The following LRP1 variants were observed in gnomAD, a reference collection of about 807,000 sequenced individuals.
LRP1 encodes the protein LDL receptor related protein 1, also known as prolow-density lipoprotein receptor-related protein 1.
LRP1 carries 51 observed loss-of-function variants against 541.5 expected under a neutral mutation model. The ratio of observed to expected loss-of-function variants is 0.09; its 90% CI spans 0.08 to 0.12. The LOEUF (loss-of-function observed/expected upper bound fraction) is 0.12, where lower values mean the gene tolerates loss of function less well. LRP1 is among the 10% of genes least tolerant of loss of function. The pLI is 1.00. For synonymous variants in LRP1, 2,219 were observed against 2,470.8 expected, an observed-to-expected ratio of 0.90 and a Z score of 3.02; for missense variants, 3,878 against 6,376.2, an observed-to-expected ratio of 0.61 and a Z score of 13.34.
chr12:57,181,430 C>A, intron 34 of LRP1, 139 bp downstream of exon 34: 1 of 1,093,812 alleles, frequency 9.1e-7, no homozygotes, highest in Non-Finnish European at 1.3e-6. Context: ...TATGAAGTGG[C>A]TATGACTCTC....
At chr12:57,134,293 C>T (rs1451193923) in intron 1 of LRP1, among the ~76,000 whole-genome samples, 1 of 152,182 alleles carries the variant, frequency 6.6e-6, no homozygotes, top group Non-Finnish European at 1.5e-5. Context: ...TGCCTGTCTT[C>T]CCCTTCTTCT....
chr12:57,193,476 G>A lies in LRP1; in HGVS notation c.7685-90G>A. 1.9e-6 allele frequency: 3 copies of A among 1,546,178 alleles called. No individual in the cohort carries two copies. In the South Asian group the frequency reaches 3.6e-5, roughly 19 times the overall value. On this transcript the variant is annotated intron_variant, in intron 46 of 88. Transcript: ENST00000243077. The stretch of plus-strand genomic sequence containing the variant: ...CTGGACTGGGCCTTTGGGTTTGGGG[G>A]TGGCCAGCTGGACACGTGCATGACG...
chr12:57,166,204 G>C lies in LRP1; in HGVS notation c.2792G>C (p.Cys931Ser). ...AGTGAAGATGAGTCCAATGCCACTT[G>C]TTCAGGTGTGGAGCGGGGCTCAGAT... ...GNSEDESNATCSARTCPPNQF... is the reference protein window; with the variant it reads ...GNSEDESNATSSARTCPPNQF... Residue 931 changes from cysteine to serine, a missense_variant, in exon 17 of 89, where the codon TGT becomes TCT. Physicochemically the swap from Cys to Ser is moderately radical, Grantham distance 112. Transcript: ENST00000243077. The C allele has an allele frequency of 6.2e-7, 1 of 1,608,046 alleles. No homozygotes were observed. Among genetic ancestry groups the C allele is most frequent in the Non-Finnish European group, 8.5e-7 (1 of 1,177,222 alleles).
In LRP1 at chr12:57,177,258, C is replaced by T. The variant is rs2036065248; in HGVS notation, c.4196+13C>T. 1 of 1,612,202 alleles carries T rather than the reference C, an allele frequency of 6.2e-7. No homozygotes were observed. The highest frequency in any genetic ancestry group is 1.7e-5 in the Admixed American group (1 of 59,952). On this transcript the variant is annotated intron_variant, in intron 25 of 88. Coordinates refer to ENST00000243077, the MANE Select transcript of LRP1 (RefSeq NM_002332.3). This position sits in a 1 kb window ranked among gnomAD's most constrained non-coding sequence, Gnocchi z 6.8. ...ATCCCCGGGATGGGTGAGGACCTTGCCCAGCCTTCTCCTGGCCCCATGGCC... is the reference window on the plus strand; with the variant it reads ...ATCCCCGGGATGGGTGAGGACCTTGTCCAGCCTTCTCCTGGCCCCATGGCC...
At chr12:57,209,222 A>T in intron 79 of LRP1, 23 bp downstream of exon 79, 3 of 1,588,936 alleles carry the variant, frequency 1.9e-6, no homozygotes, top group Non-Finnish European at 2.6e-6. Context: ...CATAAGTCGC[A>T]GTCCCCAGCC....
rs1385373533 is a variant in LRP1, at chr12:57,189,417, C to A, written c.7032-1388C>A. On this transcript the variant is annotated intron_variant, in intron 42 of 88. Coordinates refer to ENST00000243077, the MANE Select transcript of LRP1 (RefSeq NM_002332.3). The surrounding 1 kb of genome is among the most constrained non-coding windows in gnomAD (Gnocchi z 4.4). ...GACACGCCGCCTCCCTCCCAACTTA[C>A]ATCCCGATTCCAGAGCCACCGCAAA... Among the ~76,000 whole-genome samples, 1 of 152,166 alleles carries A rather than the reference C, an allele frequency of 6.6e-6. No homozygotes were observed. The highest frequency in any genetic ancestry group is 1.5e-5 in the Non-Finnish European group (1 of 68,030).
In LRP1 at chr12:57,203,372, T is replaced by C. The variant is rs756884498; in HGVS notation, c.10819-17T>C. On this transcript the variant is annotated splice_polypyrimidine_tract_variant and intron_variant, in intron 69 of 88. Transcript: ENST00000243077. ...GAGTGCCGAGAGGTGACCGGCTGCC[T>C]GTGCCCATGCCCACAGAAAGACTGC... 3 of 1,597,664 alleles carry C rather than the reference T, an allele frequency of 1.9e-6. No homozygotes were observed. Among genetic ancestry groups the C allele is most frequent in the African/African-American group, 2.7e-5 (2 of 74,660 alleles).
In LRP1 at chr12:57,205,426, C is replaced by T. The variant is rs758443683; in HGVS notation, c.11411C>T (p.Ala3804Val). ...GCACGCTGCGTGCGCACCGAGAAAG[C>T]GGCCTACTGTGCCTGCCGCTCGGGC... ...DEARCVRTEK[A>V]AYCACRSGFH... Residue 3804 changes from alanine (A) to valine (V), a missense_variant, in exon 74 of 89, where the codon GCG (alanine) becomes GTG (valine). This residue lies in a region of LRP1 where 871 missense variants were observed against 1,212.4 expected (regional missense o/e 0.72). Transcript: ENST00000243077. This position sits in a 1 kb window ranked among gnomAD's most constrained non-coding sequence, Gnocchi z 4.6. 9.9e-6 allele frequency: 16 copies of T among 1,609,790 alleles called. No individual in the cohort carries two copies. The highest frequency in any genetic ancestry group is 9.3e-5 in the African/African-American group (7 of 74,930).
In LRP1 at chr12:57,212,554, AGG is replaced by A; in HGVS notation, c.*1_*2del. On this transcript the variant is annotated stop_retained_variant and 3_prime_UTR_variant, in exon 89 of 89. Transcript: ENST00000243077. This position sits in a 1 kb window ranked among gnomAD's most constrained non-coding sequence, Gnocchi z 5.0. The stretch of plus-strand genomic sequence containing the variant: ...GACGAGATAGGGGACCCCTTGGCAT[AGG>A]GCCCTGCCCCGTCGGACTGCCCCCA... 1 of 1,602,776 alleles carries A rather than the reference AGG, an allele frequency of 6.2e-7. No homozygotes were observed. The highest frequency in any genetic ancestry group is 1.3e-5 in the African/African-American group (1 of 74,894).
chr12:57,210,723 C>A lies in LRP1; in HGVS notation c.12760C>A (p.Pro4254Thr). The change falls in exon 83 of 89, where the codon CCC becomes ACC. Residue 4254 changes from proline to threonine, a missense_variant. By Grantham distance (38) the Pro-to-Thr change is conservative (BLOSUM62 -1). Coordinates refer to ENST00000243077, the MANE Select transcript of LRP1 (RefSeq NM_002332.3). The stretch of plus-strand genomic sequence containing the variant: ...CACACATCCTCTCCCACCAGGCATG[C>A]CCACGTGCCGGTGCCCCACGGGCTT... Reference protein sequence around the residue: ...GTCAASPSGMPTCRCPTGFTG... With the variant: ...GTCAASPSGMTTCRCPTGFTG... 2 of 1,608,466 alleles carry A rather than the reference C, an allele frequency of 1.2e-6. No homozygotes were observed. The highest frequency in any genetic ancestry group is 1.7e-6 in the Non-Finnish European group (2 of 1,175,872).
intron 42 of LRP1, among the ~76,000 whole-genome samples, chr12:57,188,235 G>A (rs958551867): frequency 3.3e-5 from 5 of 152,174 alleles, no homozygotes; most frequent in Non-Finnish European, 7.4e-5. Flanking sequence ...CCTCATCCCG[G>A]CTGTTTGGGC....
At chr12:57,149,899 C>A in intron 6 of LRP1, 1 of 632,352 alleles carries the variant, frequency 1.6e-6, no homozygotes, top group Admixed American at 2.4e-5. Context: ...AGGCGAGATC[C>A]CTGAGTAGGA....
In LRP1 at chr12:57,210,841, G is replaced by A. The variant is rs764107741; in HGVS notation, c.12878G>A (p.Arg4293Gln). The A allele has an allele frequency of 4.9e-5, 79 of 1,612,684 alleles. No homozygotes were observed. Among genetic ancestry groups the A allele is most frequent in the Middle Eastern group, 3.3e-4 (2 of 6,082 alleles). ...TVNQGNQPQC[R>Q]CLPGFLGDRC... ...AACCAGGGCAACCAGCCCCAGTGCC[G>A]ATGCCTACCCGGCTTCCTGGGCGAC... Residue 4293 changes from arginine to glutamine, a missense_variant, in exon 83 of 89, where the codon CGA (arginine) becomes CAA (glutamine). Arg to Gln is a conservative substitution (Grantham distance 43, BLOSUM62 1). Around this residue, in one of 13 missense-constraint regions of LRP1, gnomAD observed 871 missense variants for 1,212.4 expected, o/e 0.72. Transcript: ENST00000243077.
chr12:57,200,826 G>GCA lies in LRP1; in HGVS notation c.10225+12_10225+13insAC. 2.5e-6 allele frequency: 4 copies of GCA among 1,581,434 alleles called. No homozygotes were observed. The highest frequency in any genetic ancestry group is 2.2e-5 in the South Asian group (2 of 89,998). On this transcript the variant is annotated intron_variant, in intron 64 of 88. Coordinates refer to ENST00000243077, the MANE Select transcript of LRP1 (RefSeq NM_002332.3). ...ACGAGGCCAACTGTGGTAAGGCGCTGCCCGCCCACCCTCCCTCCTTCCCCA... is the reference window on the plus strand; with the variant it reads ...ACGAGGCCAACTGTGGTAAGGCGCTGCACCCGCCCACCCTCCCTCCTTCCCCA...
intron 70 of LRP1, chr12:57,203,729 C>G: frequency 1.6e-6 from 1 of 630,588 alleles, no homozygotes; most frequent in South Asian, 2.4e-5. Flanking sequence ...CATTTTTGTG[C>G]GGGTTGTGCC....
chr12:57,133,198 G>A (rs1565709861), intron 1 of LRP1, among the ~76,000 whole-genome samples: 1 of 152,090 alleles, frequency 6.6e-6, no homozygotes. Flanking sequence ...CATAAGCTGT[G>A]TGTGTGGCTG....
chr12:57,144,617 A>G (rs942556860), intron 4 of LRP1: 2 of 244,718 alleles, frequency 8.2e-6, no homozygotes, highest in African/African-American at 2.2e-5. Flanking sequence ...TTTGTTTCAT[A>G]TGTTATTATA....
chr12:57,174,054 G>T lies in LRP1; in HGVS notation c.3547+74G>T, dbSNP rs1464732746. 5.5e-6 allele frequency: 8 copies of T among 1,466,562 alleles called. No homozygotes were observed. The Admixed American group carries it at 1.3e-4, about 24-fold the overall frequency. The allele number at this position is 1,466,562 out of a possible 1,614,324, so 90.8% of individuals were successfully genotyped here. ...TCTGGGCCAAGGACAGTCTTTGGGG[G>T]ACCTGAGTCTAGGAGAGAGCAGCTC... On this transcript the variant is annotated intron_variant, in intron 22 of 88. Transcript: ENST00000243077.
At chr12:57,180,259 C>A in intron 31 of LRP1, 71 bp from the exon 32 acceptor site, 1 of 1,593,530 alleles carries the variant, frequency 6.3e-7, no homozygotes, top group Non-Finnish European at 8.6e-7. Flanking sequence ...TGCCTGTTCT[C>A]ACCATCTGCT....
Sources: gnomAD v4.1 joint callset for allele counts (sites outside exome capture counted in the v4.1 genomes callset) on GRCh38, gnomAD v4.1.1 for gene constraint, gnomAD v4.1.1 regional missense constraint, Gnocchi (gnomAD v3.1) non-coding constraint, MANE v1.5 for transcripts, NCBI Gene and HGNC (gene_info 2026-07-23, HGNC 2026-07-21) for gene names.